Variants in APP observed in about 807,000 individuals in gnomAD.
The protein encoded by APP is amyloid beta precursor protein, also known as amyloid-beta precursor protein.
A neutral mutation model predicts 101.4 loss-of-function variants in APP; 31 were observed. The observed-to-expected ratio is 0.31, with a 90% CI of 0.23 to 0.41. The LOEUF is 0.41. Among genes scored for constraint, APP ranks in the 10% least tolerant of loss-of-function variants. APP has a pLI of 1.00. For synonymous variants in APP, 366 were observed against 364.4 expected, an observed-to-expected ratio of 1.00 and a Z score of -0.05; for missense variants, 839 against 1,003.7, an observed-to-expected ratio of 0.84 and a Z score of 2.22.
intron 11 of APP, among the ~76,000 whole-genome samples, chr21:25,959,427 C>T (rs1346653074): frequency 2.6e-5 from 4 of 152,126 alleles, no homozygotes; most frequent in Admixed American, 2.0e-4. Context: ...GACGAGACTC[C>T]GTCTCAAAAA....
chr21:26,089,686 T>A, intron 3 of APP: 1 of 366,386 alleles, frequency 2.7e-6, no homozygotes, highest in Non-Finnish European at 5.1e-6. Flanking sequence ...CATTCAGGAG[T>A]CCTGGAACTG....
intron 8 of APP, among the ~76,000 whole-genome samples, chr21:25,982,950 T>C (rs1274274912): frequency 0.012 from 2 of 166 alleles, no homozygotes; most frequent in Non-Finnish European, 0.021. Context: ...GGTAAATGTA[T>C]GATGTATTTA....
intron 13 of APP, chr21:25,945,610 A>G (rs2040781858): frequency 4.3e-6 from 1 of 231,996 alleles, no homozygotes; most frequent in Non-Finnish European, 8.7e-6. Context: ...AAAGAAAAGA[A>G]CTAAGAATTA....
rs142044537 is a variant in APP at position 26,117,977 on chromosome 21, A to C, written c.58-5831T>G. ...ACTGTTGATCTGGCTTCTAATTACA[A>C]GCTATCCTCCCTTGATGTTTTTCAC... is the stretch of plus-strand genomic sequence containing the variant. On this transcript the variant is annotated intron_variant, in intron 1 of 17. Coordinates refer to ENST00000346798, the MANE Select transcript of APP (RefSeq NM_000484.4). Among the ~76,000 whole-genome samples, 273 of 152,328 alleles carry C rather than the reference A, an allele frequency of 1.8e-3. 1 individual carries two copies. Among genetic ancestry groups the C allele is most frequent in the Non-Finnish European group, 2.2e-3 (147 of 68,034 alleles).
intron 13 of APP, among the ~76,000 whole-genome samples, chr21:25,914,744 G>A (rs1357200743): frequency 6.6e-6 from 1 of 151,922 alleles, no homozygotes; most frequent in East Asian, 1.9e-4. Flanking sequence ...TAGTAGAGAC[G>A]GGGTTTCACC....
At chr21:25,925,502 G>T (rs2039850126) in intron 13 of APP, among the ~76,000 whole-genome samples, 1 of 152,108 alleles carries the variant, frequency 6.6e-6, no homozygotes, top group Non-Finnish European at 1.5e-5. Context: ...ATCAGAATCT[G>T]CATGTTAATG....
At chr21:26,044,807 G>A (rs1393722110) in intron 5 of APP, among the ~76,000 whole-genome samples, 1 of 152,168 alleles carries the variant, frequency 6.6e-6, no homozygotes, top group Non-Finnish European at 1.5e-5. Context: ...CCAAAGTGCT[G>A]GGATTACAGG....
chr21:26,030,770 C>T (rs998423737), intron 5 of APP, among the ~76,000 whole-genome samples: 4 of 152,174 alleles, frequency 2.6e-5, no homozygotes, highest in Admixed American at 2.6e-4. Flanking sequence ...GGCCAGAAAA[C>T]TGTGAACGAG....
intron 3 of APP, among the ~76,000 whole-genome samples, chr21:26,061,041 A>G (rs2046247252): frequency 6.6e-6 from 1 of 152,176 alleles, no homozygotes; most frequent in Admixed American, 6.5e-5. Flanking sequence ...TAGAAGTGAG[A>G]AGACCAGGAA....
intron 11 of APP, among the ~76,000 whole-genome samples, chr21:25,960,918 T>C (rs2041552671): frequency 6.6e-6 from 1 of 152,178 alleles, no homozygotes; most frequent in East Asian, 1.9e-4. Flanking sequence ...CAGATTACCT[T>C]CTTTGTTGGA....
intron 16 of APP, among the ~76,000 whole-genome samples, chr21:25,894,019 G>A (rs375913953): frequency 4.1e-4 from 62 of 152,324 alleles, no homozygotes; most frequent in African/African-American, 1.4e-3. Context: ...GGGCGCTTAA[G>A]AATTATTCTA....
chr21:26,169,852 C>T (rs918774685), intron 1 of APP, among the ~76,000 whole-genome samples: 1 of 152,212 alleles, frequency 6.6e-6, no homozygotes, highest in Admixed American at 6.5e-5. Flanking sequence ...GGCTATGGGT[C>T]TCCGACCCCT....
chr21:26,045,469 G>C (rs1050436902), intron 5 of APP, among the ~76,000 whole-genome samples: 2 of 151,980 alleles, frequency 1.3e-5, no homozygotes. Flanking sequence ...ATAAACATGT[G>C]GGTTTACCAT....
chr21:26,006,837 A>C (rs1269835427), intron 6 of APP, among the ~76,000 whole-genome samples: 1 of 152,196 alleles, frequency 6.6e-6, no homozygotes, highest in Non-Finnish European at 1.5e-5. Flanking sequence ...AATTCGCTGT[A>C]AATAAAGTGG....
chr21:25,935,514 T>C (rs1318838080), intron 13 of APP, among the ~76,000 whole-genome samples: 1 of 152,146 alleles, frequency 6.6e-6, no homozygotes, highest in Non-Finnish European at 1.5e-5. Flanking sequence ...AGTATCCACC[T>C]GCTTTAACAG....
chr21:25,996,425 G>A (rs1320525897), intron 8 of APP, among the ~76,000 whole-genome samples: 1 of 152,052 alleles, frequency 6.6e-6, no homozygotes, highest in Non-Finnish European at 1.5e-5. Flanking sequence ...TGAATATTAA[G>A]TACTTTTTCT....
chr21:25,898,292 A>G (rs1176240068), intron 15 of APP, among the ~76,000 whole-genome samples: 1 of 152,244 alleles, frequency 6.6e-6, no homozygotes, highest in African/African-American at 2.4e-5. Context: ...AATGCTTCTT[A>G]GCAACTAACA....
intron 2 of APP, among the ~76,000 whole-genome samples, chr21:26,095,090 C>A (rs185189356): frequency 6.6e-6 from 1 of 152,156 alleles, no homozygotes; most frequent in Non-Finnish European, 1.5e-5. Context: ...GTGATCCACC[C>A]GCCTTGGCCT....
intron 3 of APP, among the ~76,000 whole-genome samples, chr21:26,075,349 C>G (rs902376835): frequency 6.6e-6 from 1 of 152,196 alleles, no homozygotes; most frequent in African/African-American, 2.4e-5. Context: ...GCATCATGCA[C>G]TACTTATTCA....
Sources: allele counts gnomAD v4.1 joint callset (sites outside exome capture counted in the v4.1 genomes callset), GRCh38; gene constraint gnomAD v4.1.1; transcripts MANE v1.5; gene names NCBI Gene and HGNC (gene_info 2026-07-23, HGNC 2026-07-21).